MALRD1: variants seen among roughly 807,000 people sequenced by gnomAD.
MALRD1 encodes the protein MAM and LDL-receptor class A domain-containing protein 1.
In MALRD1, 247 loss-of-function variants were observed where a neutral mutation model predicts 242.1. That is an observed-to-expected ratio of 1.02 (90% CI 0.92 to 1.13). The LOEUF (loss-of-function observed/expected upper bound fraction) is 1.13, where lower values mean the gene tolerates loss of function less well. MALRD1 is among the 50% of genes most tolerant of loss of function. The pLI is 0.00. For synonymous variants in MALRD1, 995 were observed against 866.6 expected, an observed-to-expected ratio of 1.15 and a Z score of -2.60; for missense variants, 2,989 against 2,533.1, an observed-to-expected ratio of 1.18 and a Z score of -3.86.
intron 19 of MALRD1, among the ~76,000 whole-genome samples, chr10:19,275,014 T>TG (rs1178762659): frequency 6.6e-6 from 1 of 152,202 alleles, no homozygotes; most frequent in Non-Finnish European, 1.5e-5. Context: ...AGGGTCCCTC[T>TG]GAAGGCATTA....
At chr10:19,203,526 G>A (rs1423034618) in intron 14 of MALRD1, among the ~76,000 whole-genome samples, 1 of 152,146 alleles carries the variant, frequency 6.6e-6, no homozygotes, top group Non-Finnish European at 1.5e-5. Flanking sequence ...TGAGAATTCT[G>A]CCTTCTCGAT....
At chr10:19,642,374 A>G (rs1228442412) in intron 36 of MALRD1, among the ~76,000 whole-genome samples, 1 of 152,144 alleles carries the variant, frequency 6.6e-6, no homozygotes, top group Non-Finnish European at 1.5e-5. Flanking sequence ...TACAGAAAAT[A>G]CTTACGAAGA....
intron 31 of MALRD1, among the ~76,000 whole-genome samples, chr10:19,514,624 T>C (rs1458049204): frequency 6.6e-6 from 1 of 152,148 alleles, no homozygotes; most frequent in African/African-American, 2.4e-5. Context: ...AATTAAAATA[T>C]TTAAAGACAA....
intron 28 of MALRD1, among the ~76,000 whole-genome samples, chr10:19,436,952 T>C (rs1834373512): frequency 1.3e-5 from 2 of 152,190 alleles, no homozygotes; most frequent in African/African-American, 4.8e-5. Context: ...CCACTGACAG[T>C]CACTGATAGC....
chr10:19,280,099 A>G lies in MALRD1; in HGVS notation c.3132A>G (p.Thr1044=). 9 of 1,537,970 alleles carry G rather than the reference A, an allele frequency of 5.9e-6. No individual in the cohort carries two copies. The highest frequency in any genetic ancestry group is 7.9e-6 in the Non-Finnish European group (9 of 1,142,346). Residue 1044 remains threonine, a synonymous_variant, in exon 20 of 40, where the codon ACA becomes ACG. Transcript: ENST00000454679. ...CACCAGAAACGTCAGTTCCTGTAAC[A>G]TTACCTCCACACAACTGCACAGACA... is the stretch of plus-strand genomic sequence containing the variant. ...PTPPETSVPV[T]LPPHNCTDNE...
chr10:19,151,348 T>C (rs1443708692), intron 11 of MALRD1, among the ~76,000 whole-genome samples: 2 of 152,152 alleles, frequency 1.3e-5, no homozygotes, highest in Non-Finnish European at 2.9e-5. Context: ...TGCTGACATA[T>C]AGAAGTGCAT....
chr10:19,248,537 G>T lies in MALRD1; in HGVS notation c.2992-9147G>T, dbSNP rs565198241. On this transcript the variant is annotated intron_variant, in intron 18 of 39. Coordinates refer to ENST00000454679, the MANE Select transcript of MALRD1 (RefSeq NM_001142308.3). ...TGTTTAAATTGGTTTTGTATTATTT[G>T]TATAGCTTCCTCTGTCATTTGACAC... 7.9e-5 allele frequency among the ~76,000 whole-genome samples: 12 copies of T among 152,006 alleles called. No homozygotes were observed. In the South Asian group the frequency reaches 2.5e-3, roughly 32 times the overall value.
chr10:19,477,457 G>GAAATAAAT (rs60939811), intron 29 of MALRD1, among the ~76,000 whole-genome samples: 226 of 150,112 alleles, frequency 1.5e-3, no homozygotes, highest in Middle Eastern at 3.4e-3. Flanking sequence ...AGAGTAGTTG[G>GAAATAAAT]AAATAAATAA....
upstream of MALRD1, among the ~76,000 whole-genome samples, chr10:19,048,052 A>T (rs1351145844): frequency 6.6e-6 from 1 of 152,208 alleles, no homozygotes; most frequent in Non-Finnish European, 1.5e-5. Context: ...GTGTGATCTC[A>T]ACTTCAATAT....
At chr10:19,413,402 G>C (rs7903321) in intron 28 of MALRD1, among the ~76,000 whole-genome samples, 128,544 of 152,074 alleles carry the variant, frequency 0.85, 54,665 homozygotes, top group African/African-American at 0.88. Flanking sequence ...ACTCAGTTTA[G>C]TATACTTTTC....
intron 29 of MALRD1, among the ~76,000 whole-genome samples, chr10:19,469,109 T>C (rs1422929846): frequency 6.6e-6 from 1 of 152,126 alleles, no homozygotes; most frequent in African/African-American, 2.4e-5. Flanking sequence ...CTGGAAGCCA[T>C]ACTTTTTAAA....
intron 25 of MALRD1, among the ~76,000 whole-genome samples, chr10:19,349,971 C>G (rs1458221547): frequency 6.6e-6 from 1 of 151,888 alleles, no homozygotes; most frequent in Non-Finnish European, 1.5e-5. Context: ...GAAGAAATGT[C>G]AAAAAATTAA....
chr10:19,450,378 C>T lies in MALRD1; in HGVS notation c.4917C>T (p.Asp1639=), dbSNP rs1835253701. Reference sequence around the variant, plus strand: ...CTGGTAATCATTGGCAAAAGGCTGACATCCTGCTAGGAAAGTTAAGGAATT... The same window carrying T: ...CTGGTAATCATTGGCAAAAGGCTGATATCCTGCTAGGAAAGTTAAGGAATT... ...QNPGNHWQKA[D]ILLGKLRNFE... Residue 1639 remains aspartate, a synonymous_variant, in exon 29 of 40, where the codon GAC becomes GAT. Coordinates refer to ENST00000454679, the MANE Select transcript of MALRD1 (RefSeq NM_001142308.3). 2 of 1,550,100 alleles carry T rather than the reference C, an allele frequency of 1.3e-6. No individual in the cohort carries two copies. Among genetic ancestry groups the T allele is most frequent in the Non-Finnish European group, 1.7e-6 (2 of 1,146,894 alleles).
intron 36 of MALRD1, among the ~76,000 whole-genome samples, chr10:19,675,325 A>T (rs186313402): frequency 6.6e-6 from 1 of 152,210 alleles, no homozygotes; most frequent in African/African-American, 2.4e-5. Flanking sequence ...ACATTGTACA[A>T]TGACAAGCAG....
rs534402591 is a variant in MALRD1, at chr10:19,250,624, T to G, written c.2992-7060T>G. Among the ~76,000 whole-genome samples the G allele has an allele frequency of 2.0e-5, 3 of 152,000 alleles. No homozygotes were observed. In the South Asian group the frequency reaches 6.2e-4, roughly 31 times the overall value. On this transcript the variant is annotated intron_variant, in intron 18 of 39. Coordinates refer to ENST00000454679, the MANE Select transcript of MALRD1 (RefSeq NM_001142308.3). Reference sequence around the variant, plus strand: ...AATGTGCCCCAATTTTGGCCCTTTTTTTGTGCATCTAAAAACATACAGAGG... The same window carrying G: ...AATGTGCCCCAATTTTGGCCCTTTTGTTGTGCATCTAAAAACATACAGAGG...
At chr10:19,195,532 C>A (rs1038423802) in intron 14 of MALRD1, among the ~76,000 whole-genome samples, 3 of 152,122 alleles carry the variant, frequency 2.0e-5, no homozygotes, top group Non-Finnish European at 4.4e-5. Flanking sequence ...ACATCTTCCC[C>A]TGGATGTTTA....
intron 38 of MALRD1, among the ~76,000 whole-genome samples, chr10:19,711,671 T>C (rs1167877350): frequency 6.6e-6 from 1 of 152,150 alleles, no homozygotes; most frequent in Non-Finnish European, 1.5e-5. Context: ...TAGAACAGCC[T>C]GTGTATATGT....
intron 36 of MALRD1, among the ~76,000 whole-genome samples, chr10:19,620,552 T>G (rs1720515480): frequency 6.6e-6 from 1 of 151,372 alleles, no homozygotes; most frequent in Admixed American, 6.6e-5. Context: ...TTGCAATTGA[T>G]TAATGTTAAC....
In MALRD1 at chr10:19,283,182, G is replaced by C. The variant is rs1840906061; in HGVS notation, c.3419+1G>C. 1.3e-6 allele frequency: 2 copies of C among 1,524,806 alleles called. No individual in the cohort carries two copies. The highest frequency in any genetic ancestry group is 4.2e-5 in the Admixed American group (2 of 47,140). 94.5% of individuals were successfully genotyped at this position (1,524,806 alleles called of 1,614,324 possible). On this transcript the variant is annotated splice_donor_variant, in intron 21 of 39. Transcript: ENST00000454679. LOFTEE classifies it high-confidence loss of function. ...ACAGGCCATCAGTGGATCATACACA[G>C]TAAGTGACCATGTATTTTGAATATC...
Sources: allele counts gnomAD v4.1 joint callset (sites outside exome capture counted in the v4.1 genomes callset), GRCh38; gene constraint gnomAD v4.1.1; transcripts MANE v1.5; gene names NCBI Gene and HGNC (gene_info 2026-07-23, HGNC 2026-07-21).